The following CPPED1 variants were observed in gnomAD, a reference collection of about 807,000 sequenced individuals.
CPPED1 encodes serine/threonine-protein phosphatase CPPED1.
A neutral mutation model predicts 28.0 loss-of-function variants in CPPED1; 28 were observed. The ratio of observed to expected loss-of-function variants is 1.00; its 90% CI spans 0.74 to 1.37. CPPED1 has a LOEUF of 1.37. Among genes scored for constraint, CPPED1 ranks in the 40% most tolerant of loss-of-function variants. The pLI, the probability that CPPED1 is intolerant of heterozygous loss-of-function variation, is 0.00. For synonymous variants in CPPED1, 198 were observed against 180.2 expected (o/e 1.10, Z -0.79); for missense variants, 504 against 416.5 (o/e 1.21, Z -1.83).
intron 1 of CPPED1, among the ~76,000 whole-genome samples, chr16:12,799,921 C>T (rs1441441825): frequency 6.6e-6 from 1 of 152,176 alleles, no homozygotes; most frequent in African/African-American, 2.4e-5. Context: ...CAGAGTCACT[C>T]TCTCCTCCTA....
chr16:12,757,817 C>T lies in CPPED1; in HGVS notation c.289+23368G>A, dbSNP rs371833810. 13 of 150,450 alleles carry T rather than the reference C, an allele frequency of 8.6e-5. No individual in the cohort carries two copies. In the Middle Eastern group the frequency reaches 0.014, roughly 157 times the overall value. 9.3% of individuals were successfully genotyped at this position (150,450 alleles called of 1,614,324 possible). The stretch of plus-strand genomic sequence containing the variant: ...ACATTGTGTAATTATTTACAGGAGA[C>T]GGTGGGGTGTCAGATCATTTGGCTG... On this transcript the variant is annotated intron_variant, in intron 2 of 3. Coordinates refer to ENST00000381774, the MANE Select transcript of CPPED1 (RefSeq NM_018340.3).
intron 2 of CPPED1, among the ~76,000 whole-genome samples, chr16:12,757,131 T>C (rs548731242): frequency 6.3e-4 from 96 of 151,994 alleles, no homozygotes; most frequent in African/African-American, 2.2e-3. Flanking sequence ...ACCTCGAGGG[T>C]GACCAATTAA....
At chr16:12,692,946 G>T (rs141473737) in intron 3 of CPPED1, among the ~76,000 whole-genome samples, 2 of 152,336 alleles carry the variant, frequency 1.3e-5, no homozygotes, top group African/African-American at 4.8e-5. Flanking sequence ...TGTTACTGCA[G>T]GGAATAGTAC....
intron 3 of CPPED1, among the ~76,000 whole-genome samples, chr16:12,685,842 G>T (rs1004714724): frequency 2.6e-5 from 4 of 152,246 alleles, no homozygotes; most frequent in Admixed American, 2.6e-4. Flanking sequence ...AACCACGGGG[G>T]TGTCTGAGAA....
At chr16:12,786,054 G>A (rs1311394296) in intron 1 of CPPED1, among the ~76,000 whole-genome samples, 1 of 152,176 alleles carries the variant, frequency 6.6e-6, no homozygotes, top group African/African-American at 2.4e-5. Flanking sequence ...AATTAACGAG[G>A]AGAACTAGCC....
chr16:12,664,034 C>T lies in CPPED1; in HGVS notation c.*852G>A, dbSNP rs2079811277. The T allele has an allele frequency of 6.6e-6, 1 of 152,086 alleles. No individual in the cohort carries two copies. The highest frequency in any genetic ancestry group is 6.6e-5 in the Admixed American group (1 of 15,264). 9.4% of individuals were successfully genotyped at this position (152,086 alleles called of 1,614,324 possible). Reference sequence around the variant, plus strand: ...CTGCATACATTCCCACTTTTCCTGTCAAAGTGGACAAAATGAAGAGTCTCA... The same window carrying T: ...CTGCATACATTCCCACTTTTCCTGTTAAAGTGGACAAAATGAAGAGTCTCA... On this transcript the variant is annotated 3_prime_UTR_variant, in exon 4 of 4. Transcript: ENST00000381774. This position sits in a 1 kb window ranked among gnomAD's most constrained non-coding sequence, Gnocchi z 4.2.
chr16:12,784,953 C>T (rs191304983), intron 1 of CPPED1, among the ~76,000 whole-genome samples: 146 of 152,244 alleles, frequency 9.6e-4, no homozygotes, highest in Non-Finnish European at 1.9e-3. Context: ...ACAAAATAAA[C>T]AGATTTGACC....
intron 3 of CPPED1, among the ~76,000 whole-genome samples, chr16:12,672,117 A>T (rs987877808): frequency 1.3e-5 from 2 of 152,254 alleles, no homozygotes; most frequent in Non-Finnish European, 2.9e-5. Context: ...TTGTGTAAGG[A>T]CACTGTGATG....
At chr16:12,708,589 T>C (rs962700689) in intron 2 of CPPED1, among the ~76,000 whole-genome samples, 1 of 152,166 alleles carries the variant, frequency 6.6e-6, no homozygotes, top group African/African-American at 2.4e-5. Flanking sequence ...GGGACAGAAA[T>C]AGTTTTTAGT....
intron 2 of CPPED1, among the ~76,000 whole-genome samples, chr16:12,744,342 A>G (rs1300254371): frequency 6.6e-6 from 1 of 152,082 alleles, no homozygotes; most frequent in South Asian, 2.1e-4. Context: ...GCAAGCAAGC[A>G]AGCTCAACTT....
chr16:12,785,920 G>C (rs2080560208), intron 1 of CPPED1, among the ~76,000 whole-genome samples: 1 of 148,846 alleles, frequency 6.7e-6, no homozygotes, highest in Non-Finnish European at 1.5e-5. Context: ...GAGTATGACA[G>C]TATTTGTCAT....
chr16:12,730,106 C>G (rs2141204467), intron 2 of CPPED1, among the ~76,000 whole-genome samples: 1 of 152,292 alleles, frequency 6.6e-6, no homozygotes, highest in South Asian at 2.1e-4. Context: ...AAGCAATCCT[C>G]TTGCCTTAGC....
In CPPED1 at chr16:12,803,858, G is replaced by A. The variant is rs954033744; in HGVS notation, c.-82C>T. The A allele has an allele frequency of 7.4e-7, 1 of 1,357,060 alleles. No individual in the cohort carries two copies. The highest frequency in any genetic ancestry group is 1.0e-6 in the Non-Finnish European group (1 of 999,928). 84.1% of individuals were successfully genotyped at this position (1,357,060 alleles called of 1,614,324 possible). On this transcript the variant is annotated 5_prime_UTR_variant, in exon 1 of 4. Transcript: ENST00000381774. Reference sequence around the variant, plus strand: ...TTCACACAGAACAACCGCTGGACCTGTCCCGCTTTGGGCGACGCCCTTTGA... The same window carrying A: ...TTCACACAGAACAACCGCTGGACCTATCCCGCTTTGGGCGACGCCCTTTGA...
At chr16:12,691,280 G>C (rs531998852) in intron 3 of CPPED1, among the ~76,000 whole-genome samples, 33 of 152,262 alleles carry the variant, frequency 2.2e-4, no homozygotes, top group African/African-American at 7.7e-4. Context: ...TCCTGTGTGT[G>C]TTTTCTTTCT....
At chr16:12,700,522 C>G (rs2141184445) in intron 3 of CPPED1, among the ~76,000 whole-genome samples, 1 of 152,326 alleles carries the variant, frequency 6.6e-6, no homozygotes, top group East Asian at 1.9e-4. Flanking sequence ...TCCGCAGTAG[C>G]TGGGATTACA....
At chr16:12,801,342 C>T (rs1358174812) in intron 1 of CPPED1, among the ~76,000 whole-genome samples, 1 of 152,200 alleles carries the variant, frequency 6.6e-6, no homozygotes, top group Non-Finnish European at 1.5e-5. Context: ...ATCCACCCGC[C>T]TCAGTCTCCC....
intron 3 of CPPED1, among the ~76,000 whole-genome samples, chr16:12,704,077 C>T (rs912639587): frequency 9.9e-5 from 15 of 152,226 alleles, no homozygotes; most frequent in Non-Finnish European, 1.3e-4. Context: ...GCTAAAGCCA[C>T]ATCCCAGGAT....
rs776981458 is a variant in CPPED1 at position 12,705,002 on chromosome 16, T to C, written c.337A>G (p.Arg113Gly). The C allele has an allele frequency of 5.0e-6, 8 of 1,614,098 alleles. No homozygotes were observed. In the South Asian group the frequency reaches 6.6e-5, roughly 13 times the overall value. Reference sequence around the variant, plus strand: ...AGTGGGATGGCCCTGTCCACTGCCCTAAGCACTCGCTTCAGGTCCTCCGTC... The same window carrying C: ...AGTGGGATGGCCCTGTCCACTGCCCCAAGCACTCGCTTCAGGTCCTCCGTC... ...EQTEDLKRVLRAVDRAIPLVL... is the reference protein window; with the variant it reads ...EQTEDLKRVLGAVDRAIPLVL... The change falls in exon 3 of 4, where the codon AGG (arginine) becomes GGG (glycine). Residue 113 changes from arginine (R) to glycine (G), a missense_variant. Arg to Gly is a moderately radical substitution (Grantham distance 125). Coordinates refer to ENST00000381774, the MANE Select transcript of CPPED1 (RefSeq NM_018340.3).
At chr16:12,802,466 T>C (rs2080666477) in intron 1 of CPPED1, among the ~76,000 whole-genome samples, 2 of 152,042 alleles carry the variant, frequency 1.3e-5, no homozygotes, top group South Asian at 2.1e-4. Context: ...CCGGGCGTGG[T>C]GGTGCGTGCC....
Sources: gnomAD v4.1 joint callset for allele counts (sites outside exome capture counted in the v4.1 genomes callset) on GRCh38, gnomAD v4.1.1 for gene constraint, Gnocchi (gnomAD v3.1) non-coding constraint, MANE v1.5 for transcripts, NCBI Gene and HGNC (gene_info 2026-07-23, HGNC 2026-07-21) for gene names.